BAIAP3: variants seen among roughly 807,000 people sequenced by gnomAD.
BAIAP3 encodes the protein BAI1-associated protein 3.
BAIAP3 carries 180 observed loss-of-function variants against 149.7 expected under a neutral mutation model. The ratio of observed to expected loss-of-function variants is 1.20; its 90% CI spans 1.07 to 1.36. The LOEUF (loss-of-function observed/expected upper bound fraction) is 1.36. Among genes scored for constraint, BAIAP3 ranks in the 40% most tolerant of loss-of-function variants. The probability of loss-of-function intolerance (pLI) is 0.00; values close to 1 mark genes in which losing one functional copy is unlikely to be tolerated. For missense variants in BAIAP3, 1,767 were observed against 1,563.4 expected, an observed-to-expected ratio of 1.13 and a Z score of -2.20; for synonymous variants, 845 against 670.7, an observed-to-expected ratio of 1.26 and a Z score of -4.02.
In BAIAP3 at chr16:1,341,851, T is replaced by G; in HGVS notation, c.761T>G (p.Leu254Arg). The change falls in exon 9 of 34, where the codon CTG (leucine) becomes CGG (arginine). Residue 254 changes from leucine to arginine, a missense_variant. Coordinates refer to ENST00000426824, the MANE Select transcript of BAIAP3 (RefSeq NM_001199097.2). ...ATTGAGGATGTGAGCACGGACCAGC[T>G]GCACCTGGACATCTGGTACAGGCCC... ...FEIEDVSTDQLHLDIWDHDDD... is the reference protein window; with the variant it reads ...FEIEDVSTDQRHLDIWDHDDD... 1.2e-6 allele frequency: 2 copies of G among 1,612,404 alleles called. No individual in the cohort carries two copies. The highest frequency in any genetic ancestry group is 1.1e-5 in the South Asian group (1 of 91,040).
At chr16:1,337,904 G>C (rs2033577746) in intron 1 of BAIAP3, among the ~76,000 whole-genome samples, 1 of 152,204 alleles carries the variant, frequency 6.6e-6, no homozygotes. Flanking sequence ...CAGGTTTGCT[G>C]ACCAGCTCCT....
rs754822100 is a variant in BAIAP3, at chr16:1,342,014, G to C, written c.805G>C (p.Glu269Gln). Reference protein sequence around the residue: ...WDHDDDVSLVEACRKLNEVIG... With the variant: ...WDHDDDVSLVQACRKLNEVIG... ...TCATGACGACGATGTATCCCTGGTA[G>C]AAGCGTGCAGGAAGCTGAATGAAGT... is the stretch of plus-strand genomic sequence containing the variant. Residue 269 changes from glutamate (E) to glutamine (Q), a missense_variant, in exon 10 of 34, where the codon GAA becomes CAA. Transcript: ENST00000426824. 1 of 1,606,646 alleles carries C rather than the reference G, an allele frequency of 6.2e-7. No homozygotes were observed. The highest frequency in any genetic ancestry group is 1.7e-5 in the Admixed American group (1 of 59,276).
At position 1,344,031 on chromosome 16, in the gene BAIAP3, C is replaced by T; in HGVS notation, c.1396C>T (p.Leu466=). The stretch of plus-strand genomic sequence containing the variant: ...GGCCCTGTCCCCACAGGAGGAGAGC[C>T]TGGCTGATAGCCTTTCCGCCTTCTC... ...PSLPQEQEES[L]ADSLSAFSEF... Residue 466 remains leucine (L), a synonymous_variant, in exon 16 of 34, where the codon CTG becomes TTG. Coordinates refer to ENST00000426824, the MANE Select transcript of BAIAP3 (RefSeq NM_001199097.2). 7 of 1,612,424 alleles carry T rather than the reference C, an allele frequency of 4.3e-6. No individual in the cohort carries two copies. Among genetic ancestry groups the T allele is most frequent in the Non-Finnish European group, 5.9e-6 (7 of 1,179,906 alleles).
At chr16:1,347,668 A>G (rs2141618080) in intron 30 of BAIAP3, 33 bp from the exon 31 acceptor site, 1 of 1,612,752 alleles carries the variant, frequency 6.2e-7, no homozygotes, top group East Asian at 2.2e-5. Flanking sequence ...CGAGGCTCCC[A>G]GAGCCCAGCT....
Position 1,341,997 on chromosome 16 carries a change from A to G in BAIAP3, c.788A>G (p.Asp263Gly). ...QLHLDIWDHD[D>G]DVSLVEACRK... ...CCTGTCCCCACCAGGGATCATGACG[A>G]CGATGTATCCCTGGTAGAAGCGTGC... Residue 263 changes from aspartate (D) to glycine (G), a missense_variant, in exon 10 of 34, where the codon GAC becomes GGC. Physicochemically the swap from Asp to Gly is moderately conservative, Grantham distance 94 (BLOSUM62 -1). Coordinates refer to ENST00000426824, the MANE Select transcript of BAIAP3 (RefSeq NM_001199097.2). 6.2e-7 allele frequency: 1 copy of G among 1,600,520 alleles called. No homozygotes were observed. Among genetic ancestry groups the G allele is most frequent in the Non-Finnish European group, 8.5e-7 (1 of 1,173,526 alleles).
intron 2 of BAIAP3, 87 bp downstream of exon 2, chr16:1,338,767 T>C: frequency 6.4e-7 from 1 of 1,571,340 alleles, no homozygotes; most frequent in Non-Finnish European, 8.6e-7. Context: ...CCAGCACCCC[T>C]GGGCGGGAAG....
chr16:1,339,750 C>CACACACACAGGCTGCAGGTGCACACAG, intron 5 of BAIAP3, 147 bp downstream of exon 5: 1 of 621,350 alleles, frequency 1.6e-6, no homozygotes, highest in East Asian at 2.8e-5. Flanking sequence ...GGTGCACACA[C>CACACACACAGGCTGCAGGTGCACACAG]ACACACGCAC....
chr16:1,340,492 CACAG>C (rs980045787), intron 5 of BAIAP3, among the ~76,000 whole-genome samples: 3 of 150,376 alleles, frequency 2.0e-5, no homozygotes, highest in African/African-American at 4.9e-5. Flanking sequence ...TGCAGGTGTA[CACAG>C]ACACACGCAC....
At position 1,346,789 on chromosome 16, in the gene BAIAP3, CAGG is replaced by C; in HGVS notation, c.2643-57_2643-55del. ...GGAGCTACTCCTCCAGGCCATTCTG[CAGG>C]TGGGGCCAGCGGGGCAGGTGGGGCT... On this transcript the variant is annotated intron_variant, in intron 27 of 33. Transcript: ENST00000426824. 11 of 376,838 alleles carry C rather than the reference CAGG, an allele frequency of 2.9e-5. 1 individual carries two copies. In the South Asian group the frequency reaches 4.7e-4, roughly 16 times the overall value. 23.3% of individuals were successfully genotyped at this position (376,838 alleles called of 1,614,324 possible).
At position 1,342,097 on chromosome 16, in the gene BAIAP3, G is replaced by A. The variant is rs368375368; in HGVS notation, c.854+34G>A. The A allele has an allele frequency of 1.4e-4, 220 of 1,575,746 alleles. 1 individual carries two copies. In the African/African-American group the frequency reaches 2.4e-3, roughly 17 times the overall value. ...GCTGGGACCTTTCTACCCATCACCCGTGCCCTCAGCTTGGTCATGGGGCCC... is the reference window on the plus strand; with the variant it reads ...GCTGGGACCTTTCTACCCATCACCCATGCCCTCAGCTTGGTCATGGGGCCC... On this transcript the variant is annotated intron_variant, in intron 10 of 33. Coordinates refer to ENST00000426824, the MANE Select transcript of BAIAP3 (RefSeq NM_001199097.2).
rs1161415929 is a variant in BAIAP3, at chr16:1,338,907, C to T, written c.137C>T (p.Pro46Leu). ...TGACCCGGCTCTTTCTCCAGGAAAC[C>T]CGGGGATGGCGTGGAGTTCTTTGCC... The part of the protein sequence containing the change: ...PQEPATGAWK[P>L]GDGVEFFAHM... The change falls in exon 3 of 34, where the codon CCC (proline) becomes CTC (leucine). Residue 46 changes from proline to leucine, a missense_variant. Transcript: ENST00000426824. The T allele has an allele frequency of 6.2e-7, 1 of 1,613,044 alleles. No homozygotes were observed.
chr16:1,343,203 C>A, intron 14 of BAIAP3, 187 bp downstream of exon 14: 1 of 1,097,274 alleles, frequency 9.1e-7, no homozygotes, highest in Non-Finnish European at 1.3e-6. Flanking sequence ...GTAGGTGAGG[C>A]AGCGAAAGGG....
chr16:1,339,702 T>C, intron 5 of BAIAP3, 99 bp downstream of exon 5: 1 of 952,958 alleles, frequency 1.0e-6, no homozygotes, highest in East Asian at 2.6e-5. Context: ...GTATGCAGAA[T>C]CTCCCCGATC....
At position 1,344,991 on chromosome 16, in the gene BAIAP3, T is replaced by G; in HGVS notation, c.1832T>G (p.Leu611Arg). ...ERLVAEEAWV[L>R]TEELSPKMTL... is the part of the protein sequence containing the mutation. ...CAGGTGGCTGAGGAGGCGTGGGTGC[T>G]GACGGAGGAGCTGAGCCCCAAGATG... Residue 611 changes from leucine to arginine, a missense_variant, in exon 21 of 34, where the codon CTG becomes CGG. Transcript: ENST00000426824. 6.2e-7 allele frequency: 1 copy of G among 1,612,868 alleles called. No individual in the cohort carries two copies. Among genetic ancestry groups the G allele is most frequent in the Non-Finnish European group, 8.5e-7 (1 of 1,179,986 alleles).
In BAIAP3 at chr16:1,345,047, C is replaced by T; in HGVS notation, c.1888C>T (p.Leu630Phe). ...TLEVASGLFELYLTLADLQRF... is the reference protein window; with the variant it reads ...TLEVASGLFEFYLTLADLQRF... ...GGAGGTGGCCTCGGGGCTCTTTGAG[C>T]TCTACCTGACCCTGGCTGACCTCCA... The change falls in exon 21 of 34, where the codon CTC (leucine) becomes TTC (phenylalanine). Residue 630 changes from leucine to phenylalanine, a missense_variant. Transcript: ENST00000426824. 5 of 1,612,478 alleles carry T rather than the reference C, an allele frequency of 3.1e-6. No homozygotes were observed. The highest frequency in any genetic ancestry group is 4.2e-6 in the Non-Finnish European group (5 of 1,180,012).
At position 1,348,238 on chromosome 16, in the gene BAIAP3, G is replaced by GTGGGCGGGGGTGCAAGGGC; in HGVS notation, c.3298_3316dup (p.Gln1106ArgfsTer197). 1 of 1,605,424 alleles carries GTGGGCGGGGGTGCAAGGGC rather than the reference G, an allele frequency of 6.2e-7. No homozygotes were observed. Among genetic ancestry groups the GTGGGCGGGGGTGCAAGGGC allele is most frequent in the Non-Finnish European group, 8.5e-7 (1 of 1,178,140 alleles). On this transcript the variant is annotated frameshift_variant, in exon 33 of 34. Coordinates refer to ENST00000426824, the MANE Select transcript of BAIAP3 (RefSeq NM_001199097.2). LOFTEE classifies it high-confidence loss of function. ...CGTCACTGGTGTCGCCCGGCCCCAGGTGGGCGGGGGTGCAAGGGCTGGGCA... is the reference window on the plus strand; with the variant it reads ...CGTCACTGGTGTCGCCCGGCCCCAGGTGGGCGGGGGTGCAAGGGCTGGGCGGGGGTGCAAGGGCTGGGCA...
intron 1 of BAIAP3, among the ~76,000 whole-genome samples, chr16:1,334,290 C>T (rs1170802406): frequency 6.6e-6 from 1 of 151,704 alleles, no homozygotes; most frequent in Non-Finnish European, 1.5e-5. Flanking sequence ...GCTGTGGGCT[C>T]TTGCCTGGGC....
In BAIAP3 at chr16:1,344,025, G is replaced by T; in HGVS notation, c.1390G>T (p.Glu464Ter). The change falls in exon 16 of 34, where the codon GAG becomes TAG. Residue 464 changes from glutamate to a stop codon, truncating the protein, a stop_gained. Transcript: ENST00000426824. LOFTEE classifies it high-confidence loss of function. Reference sequence around the variant, plus strand: ...CTGAAGGGCCCTGTCCCCACAGGAGGAGAGCCTGGCTGATAGCCTTTCCGC... The same window carrying T: ...CTGAAGGGCCCTGTCCCCACAGGAGTAGAGCCTGGCTGATAGCCTTTCCGC... ...EAPSLPQEQE[E>*]SLADSLSAFS... The T allele has an allele frequency of 6.2e-7, 1 of 1,612,250 alleles. No individual in the cohort carries two copies. The highest frequency in any genetic ancestry group is 1.1e-5 in the South Asian group (1 of 91,080).
chr16:1,340,854 T>C, intron 5 of BAIAP3, 68 bp from the exon 6 acceptor site: 5 of 1,495,968 alleles, frequency 3.3e-6, no homozygotes, highest in Non-Finnish European at 4.6e-6. Context: ...GAGCCCGAGG[T>C]CCCAGCACAG....
Sources: allele counts gnomAD v4.1 joint callset (sites outside exome capture counted in the v4.1 genomes callset), GRCh38; gene constraint gnomAD v4.1.1; transcripts MANE v1.5; gene names NCBI Gene and HGNC (gene_info 2026-07-23, HGNC 2026-07-21).